The following SEPTIN4 variants were observed in gnomAD, a reference collection of about 807,000 sequenced individuals.
SEPTIN4 encodes septin 4.
A neutral mutation model predicts 107.1 loss-of-function variants in SEPTIN4; 52 were observed. The observed-to-expected ratio is 0.49, with a 90% CI of 0.39 to 0.61. The LOEUF (loss-of-function observed/expected upper bound fraction) is 0.61. Ranked by LOEUF, SEPTIN4 falls within the 20% of genes least tolerant of loss-of-function variation. SEPTIN4 has a pLI of 0.00. For synonymous variants in SEPTIN4, 417 were observed against 467.0 expected, an observed-to-expected ratio of 0.89 and a Z score of 1.38; for missense variants, 1,048 against 1,243.5, an observed-to-expected ratio of 0.84 and a Z score of 2.36.
chr17:58,526,134 A>C, intron 5 of SEPTIN4, 86 bp downstream of exon 5: 1 of 1,395,982 alleles, frequency 7.2e-7, no homozygotes, highest in African/African-American at 1.5e-5. Flanking sequence ...GCTCCCTGCG[A>C]CCTATACTCC....
In SEPTIN4 at chr17:58,521,957, T is replaced by C. The variant is rs1396516821; in HGVS notation, c.2351+10A>G. 6 of 1,614,238 alleles carry C rather than the reference T, an allele frequency of 3.7e-6. No homozygotes were observed. Among genetic ancestry groups the C allele is most frequent in the Non-Finnish European group, 5.1e-6 (6 of 1,180,040 alleles). On this transcript the variant is annotated intron_variant, in intron 8 of 13. Transcript: ENST00000672673. This position sits in a 1 kb window ranked among gnomAD's most constrained non-coding sequence, Gnocchi z 6.4. ...CCGGTGGTGCCAGGAGCCTCAGGCT[T>C]GGACCATACCCATGGCCGAAGGGTG...
In SEPTIN4 at chr17:58,526,837, C is replaced by A. The variant is rs2042958594; in HGVS notation, c.1756G>T (p.Ala586Ser). The change falls in exon 4 of 14, where the codon GCC becomes TCC. Residue 586 changes from alanine (A) to serine (S), a missense_variant. Physicochemically the swap from Ala to Ser is moderately conservative, Grantham distance 99. Around this residue, in one of 2 missense-constraint regions of SEPTIN4, gnomAD observed 787 missense variants for 871.8 expected, o/e 0.90. Coordinates refer to ENST00000672673, the MANE Select transcript of SEPTIN4 (RefSeq NM_001368771.2). Reference protein sequence around the residue: ...RPQVPEPRPQAPDLYDDDLEF... With the variant: ...RPQVPEPRPQSPDLYDDDLEF... ...AGGTCATCATCATAGAGGTCCGGGG[C>A]CTGGGGCCTTGGCTCCGGGACTTGG... is the stretch of plus-strand genomic sequence containing the variant. 4.3e-6 allele frequency: 7 copies of A among 1,613,576 alleles called. No individual in the cohort carries two copies. The highest frequency in any genetic ancestry group is 5.9e-6 in the Non-Finnish European group (7 of 1,179,918).
chr17:58,520,498 C>T lies in SEPTIN4; in HGVS notation c.2932-13G>A, dbSNP rs773551446. The T allele has an allele frequency of 3.1e-6, 5 of 1,613,646 alleles. No homozygotes were observed. The highest frequency in any genetic ancestry group is 1.7e-5 in the Admixed American group (1 of 60,026). On this transcript the variant is annotated splice_polypyrimidine_tract_variant and intron_variant, in intron 13 of 13. Transcript: ENST00000672673. ...GCATCCGCCGCAGCTGGAATAGGCACAGGCATCAAAATGGGGACTTTTGGA... is the reference window on the plus strand; with the variant it reads ...GCATCCGCCGCAGCTGGAATAGGCATAGGCATCAAAATGGGGACTTTTGGA...
Position 58,540,654 on chromosome 17 carries a change from G to T in SEPTIN4, c.1614+12C>A. 2 of 1,361,716 alleles carry T rather than the reference G, an allele frequency of 1.5e-6. No homozygotes were observed. Among genetic ancestry groups the T allele is most frequent in the South Asian group, 1.9e-5 (1 of 54,026 alleles). The allele number at this position is 1,361,716 out of a possible 1,614,324, so 84.4% of individuals were successfully genotyped here. On this transcript the variant is annotated intron_variant, in intron 3 of 13. Transcript: ENST00000672673. Reference sequence around the variant, plus strand: ...AGGAAGACTGGGAGTAACCTCCCAGGGGCATTCTTACCTCCTCATCTGTCA... The same window carrying T: ...AGGAAGACTGGGAGTAACCTCCCAGTGGCATTCTTACCTCCTCATCTGTCA...
chr17:58,526,276 T>G lies in SEPTIN4; in HGVS notation c.1949A>C (p.Asn650Thr). The G allele has an allele frequency of 6.2e-7, 1 of 1,603,718 alleles. No homozygotes were observed. Among genetic ancestry groups the G allele is most frequent in the South Asian group, 1.1e-5 (1 of 89,722 alleles). The change falls in exon 5 of 14, where the codon AAC becomes ACC. Residue 650 changes from asparagine (N) to threonine (T), a missense_variant. Around this residue, in one of 2 missense-constraint regions of SEPTIN4, gnomAD observed 787 missense variants for 871.8 expected, o/e 0.90. Transcript: ENST00000672673. ...KEYVGFATLP[N>T]QVHRKSVKKG... ...CTTCACGGACTTTCGGTGGACTTGG[T>G]TGGGGAGGGTTGCAAAGCCCACATA...
chr17:58,526,573 A>AACACAC (rs3034932), intron 4 of SEPTIN4, 109 bp downstream of exon 4: 117,790 of 1,273,534 alleles, frequency 0.092, 1,196 homozygotes, highest in Middle Eastern at 0.12. Context: ...CACACACACA[A>AACACAC]ACACACACAC....
rs1441928452 is a variant in SEPTIN4, at chr17:58,541,815, T to C, written c.1606+107A>G. 1.9e-6 allele frequency: 3 copies of C among 1,611,270 alleles called. No homozygotes were observed. The South Asian group carries it at 3.3e-5, about 18-fold the overall frequency. ...CTTCTTCAGGTCAAAATCCCAGCATTTATCTCCTAAACGACCCAGCTCTGT... is the reference window on the plus strand; with the variant it reads ...CTTCTTCAGGTCAAAATCCCAGCATCTATCTCCTAAACGACCCAGCTCTGT... On this transcript the variant is annotated intron_variant, in intron 2 of 13. Coordinates refer to ENST00000672673, the MANE Select transcript of SEPTIN4 (RefSeq NM_001368771.2).
At chr17:58,536,392 A>G (rs181238171) in intron 3 of SEPTIN4, among the ~76,000 whole-genome samples, 1 of 152,350 alleles carries the variant, frequency 6.6e-6, no homozygotes, top group Admixed American at 6.5e-5. Flanking sequence ...TGGAGTGTGC[A>G]TGTGTAATAG....
intron 3 of SEPTIN4, among the ~76,000 whole-genome samples, chr17:58,536,787 A>G (rs1340198603): frequency 6.6e-6 from 1 of 152,212 alleles, no homozygotes; most frequent in Non-Finnish European, 1.5e-5. Context: ...GTGAGGGGAC[A>G]TGGCCATTTC....
rs572793171 is a variant in SEPTIN4 at position 58,529,146 on chromosome 17, T to C, written c.1615-2168A>G. 6 of 1,614,206 alleles carry C rather than the reference T, an allele frequency of 3.7e-6. No individual in the cohort carries two copies. In the South Asian group the frequency reaches 6.6e-5, roughly 18 times the overall value. On this transcript the variant is annotated intron_variant, in intron 3 of 13. Transcript: ENST00000672673. Reference sequence around the variant, plus strand: ...TTCAGTCCTGTCCTCAGGGACAGAATTCCCTTGCCATCCCAGTGAACGGTC... The same window carrying C: ...TTCAGTCCTGTCCTCAGGGACAGAACTCCCTTGCCATCCCAGTGAACGGTC...
chr17:58,528,139 T>C (rs2043135655), intron 3 of SEPTIN4: 6 of 653,460 alleles, frequency 9.2e-6, no homozygotes, highest in African/African-American at 2.0e-5. Flanking sequence ...CTCTGAGGGT[T>C]AGCCAAGCCA....
chr17:58,527,163 C>T, intron 3 of SEPTIN4, 185 bp from the exon 4 acceptor site: 2 of 1,021,228 alleles, frequency 2.0e-6, no homozygotes, highest in South Asian at 2.5e-5. Flanking sequence ...CACCTGCTCA[C>T]AAGCCTCCCC....
rs371051905 is a variant in SEPTIN4, at chr17:58,526,653, A to G, written c.1911+29T>C. 144 of 1,536,404 alleles carry G rather than the reference A, an allele frequency of 9.4e-5. 2 individuals carry two copies. In the South Asian group the frequency reaches 1.3e-3, roughly 14 times the overall value. On this transcript the variant is annotated intron_variant, in intron 4 of 13. Coordinates refer to ENST00000672673, the MANE Select transcript of SEPTIN4 (RefSeq NM_001368771.2). ...CCGGTCTTCCTGCAGCAGCCCACTG[A>G]AAGGCAAAGGCAGGGCTGGAGGCTC... is the stretch of plus-strand genomic sequence containing the variant.
At position 58,538,056 on chromosome 17, in the gene SEPTIN4, C is replaced by G. The variant is rs894232416; in HGVS notation, c.1614+2610G>C. 6.6e-6 allele frequency among the ~76,000 whole-genome samples: 1 copy of G among 152,148 alleles called. No individual in the cohort carries two copies. Among genetic ancestry groups the G allele is most frequent in the South Asian group, 2.1e-4 (1 of 4,828 alleles). ...TTACAGTGAGCTATGGATTGCACCA[C>G]TGCACTCCAACCTGGGCAACAGAAC... On this transcript the variant is annotated intron_variant, in intron 3 of 13. Coordinates refer to ENST00000672673, the MANE Select transcript of SEPTIN4 (RefSeq NM_001368771.2). This position sits in a 1 kb window ranked among gnomAD's most constrained non-coding sequence, Gnocchi z 4.7.
chr17:58,522,204 GAC>G, intron 7 of SEPTIN4, 103 bp from the exon 8 acceptor site: 2 of 1,439,666 alleles, frequency 1.4e-6, no homozygotes, highest in Non-Finnish European at 9.5e-7. Flanking sequence ...GTGTTTTTAA[GAC>G]ACTGTTATTC....
At chr17:58,534,115 C>T (rs1334720328) in intron 3 of SEPTIN4, among the ~76,000 whole-genome samples, 3 of 152,168 alleles carry the variant, frequency 2.0e-5, no homozygotes, top group South Asian at 2.1e-4. Flanking sequence ...AGTGAGGCCC[C>T]AAGCAAGTCC....
At chr17:58,541,384 C>T (rs1006417598) in intron 2 of SEPTIN4, among the ~76,000 whole-genome samples, 1 of 152,160 alleles carries the variant, frequency 6.6e-6, no homozygotes, top group Non-Finnish European at 1.5e-5. Flanking sequence ...GGGGACACTT[C>T]TCTTAAGGAT....
At chr17:58,529,046 A>G in intron 3 of SEPTIN4, 2 of 1,581,650 alleles carry the variant, frequency 1.3e-6, no homozygotes, top group Non-Finnish European at 1.7e-6. Context: ...TCTGACTTTG[A>G]GCCCCAATCC....
intron 3 of SEPTIN4, chr17:58,529,045 G>A: frequency 6.3e-7 from 1 of 1,579,400 alleles, no homozygotes; most frequent in Non-Finnish European, 8.7e-7. Flanking sequence ...TTCTGACTTT[G>A]AGCCCCAATC....
Sources: gnomAD v4.1 joint callset for allele counts (sites outside exome capture counted in the v4.1 genomes callset) on GRCh38, gnomAD v4.1.1 for gene constraint, gnomAD v4.1.1 regional missense constraint, Gnocchi (gnomAD v3.1) non-coding constraint, MANE v1.5 for transcripts, NCBI Gene and HGNC (gene_info 2026-07-23, HGNC 2026-07-21) for gene names.